STK33: variants seen among roughly 807,000 people sequenced by gnomAD.
STK33 encodes the protein serine/threonine-protein kinase 33.
In STK33, 52 loss-of-function variants were observed where a neutral mutation model predicts 58.0. That is an observed-to-expected ratio of 0.90 (90% CI 0.72 to 1.13). The LOEUF is 1.13. Among genes scored for constraint, STK33 ranks in the 50% most tolerant of loss-of-function variants. The pLI, the probability that STK33 is intolerant of heterozygous loss-of-function variation, is 0.00. For missense variants in STK33, 630 were observed against 604.2 expected, an observed-to-expected ratio of 1.04 and a Z score of -0.45; for synonymous variants, 215 against 200.1, an observed-to-expected ratio of 1.07 and a Z score of -0.63.
the STK33 span, among the ~76,000 whole-genome samples, chr11:8,380,560 C>CAA: frequency 5.1e-5 from 5 of 97,154 alleles, no homozygotes; most frequent in Admixed American, 1.1e-4. Flanking sequence ...AACTCCTTCT[C>CAA]AAAAAAAAAA....
the STK33 span, among the ~76,000 whole-genome samples, chr11:8,346,025 C>T: frequency 2.6e-5 from 4 of 152,224 alleles, no homozygotes; most frequent in African/African-American, 9.6e-5. Context: ...CTATCAGCCA[C>T]ATCCTGGCAG....
intron 1 of STK33, among the ~76,000 whole-genome samples, chr11:8,482,723 T>TATTG (rs1174035270): frequency 6.6e-6 from 1 of 151,814 alleles, no homozygotes; most frequent in Non-Finnish European, 1.5e-5. Flanking sequence ...TTTTATTTTT[T>TATTG]ATTTATTTAT....
At chr11:8,515,907 A>C (rs1952739084) in intron 1 of STK33, among the ~76,000 whole-genome samples, 1 of 152,188 alleles carries the variant, frequency 6.6e-6, no homozygotes, top group Non-Finnish European at 1.5e-5. Flanking sequence ...GTAAAACTGA[A>C]AGCTTTATAA....
chr11:8,471,263 T>A (rs555692343), intron 6 of STK33, among the ~76,000 whole-genome samples: 3 of 152,342 alleles, frequency 2.0e-5, no homozygotes, highest in South Asian at 4.1e-4. Context: ...TAAATAGGAA[T>A]TCTAAAATGA....
chr11:8,504,334 T>C (rs1291738490), intron 1 of STK33, among the ~76,000 whole-genome samples: 1 of 152,196 alleles, frequency 6.6e-6, no homozygotes. Context: ...CAGAGAGCCC[T>C]TTGACAACTA....
At chr11:8,452,730 G>A (rs1395641113) in intron 11 of STK33, 92 bp downstream of exon 11, 1 of 1,156,716 alleles carries the variant, frequency 8.6e-7, no homozygotes, top group African/African-American at 1.5e-5. Flanking sequence ...CAAGGCTGCA[G>A]TGAGCCAAGA....
At chr11:8,387,115 T>A (rs1848554572), downstream of STK33, among the ~76,000 whole-genome samples, 1 of 152,254 alleles carries the variant, frequency 6.6e-6, no homozygotes, top group Non-Finnish European at 1.5e-5. Context: ...CTTTCCCTGA[T>A]ATAGTGCTTG....
intron 12 of STK33, among the ~76,000 whole-genome samples, chr11:8,438,888 T>C (rs1302968276): frequency 6.6e-6 from 1 of 152,194 alleles, no homozygotes; most frequent in Non-Finnish European, 1.5e-5. Flanking sequence ...TCAAAAACTT[T>C]TTGAATACTT....
At chr11:8,386,916 T>G (rs1001622321), downstream of STK33, among the ~76,000 whole-genome samples, 10 of 152,180 alleles carry the variant, frequency 6.6e-5, no homozygotes, top group African/African-American at 2.4e-4. Flanking sequence ...ACTTTGCTCC[T>G]GGTAAGCATC....
At chr11:8,433,534 C>G (rs940061575) in intron 14 of STK33, among the ~76,000 whole-genome samples, 5 of 152,082 alleles carry the variant, frequency 3.3e-5, no homozygotes, top group Admixed American at 3.3e-4. Context: ...CTCATATATT[C>G]AATTATCTGT....
chr11:8,493,472 A>G (rs1236939701), intron 1 of STK33, among the ~76,000 whole-genome samples: 1 of 152,176 alleles, frequency 6.6e-6, no homozygotes, highest in East Asian at 1.9e-4. Flanking sequence ...ACCAACCAAA[A>G]AATGTCCAGG....
At chr11:8,569,602 A>G (rs1565387073) in intron 1 of STK33, among the ~76,000 whole-genome samples, 1 of 152,196 alleles carries the variant, frequency 6.6e-6, no homozygotes. Context: ...TAAGAGAAAA[A>G]CTGATAAATT....
intron 15 of STK33, among the ~76,000 whole-genome samples, chr11:8,398,786 A>G (rs1849837103): frequency 8.2e-6 from 1 of 121,590 alleles, no homozygotes; most frequent in South Asian, 3.2e-4. Context: ...GCAAATGGAA[A>G]ACAAAAAAAA....
At chr11:8,486,720 A>C (rs567911058) in intron 1 of STK33, among the ~76,000 whole-genome samples, 1 of 152,202 alleles carries the variant, frequency 6.6e-6, no homozygotes, top group Admixed American at 6.5e-5. Context: ...CAGTATAGAG[A>C]ATGTATAGAA....
chr11:8,339,961 T>C, the STK33 span, among the ~76,000 whole-genome samples: 3 of 152,216 alleles, frequency 2.0e-5, no homozygotes, highest in Non-Finnish European at 4.4e-5. Context: ...CTGGTGAGCT[T>C]GTGCAGAACC....
chr11:8,372,467 C>T, the STK33 span, among the ~76,000 whole-genome samples: 3 of 152,344 alleles, frequency 2.0e-5, no homozygotes, highest in Middle Eastern at 3.4e-3. Flanking sequence ...CCAACATGAA[C>T]ACCAGACACC....
chr11:8,399,838 C>A (rs1438077436), intron 15 of STK33, among the ~76,000 whole-genome samples: 2 of 152,218 alleles, frequency 1.3e-5, no homozygotes, highest in Non-Finnish European at 2.9e-5. Flanking sequence ...ATACTATAAA[C>A]ACCTCTATGC....
chr11:8,498,425 G>A (rs1047869172), intron 1 of STK33, among the ~76,000 whole-genome samples: 6 of 152,046 alleles, frequency 3.9e-5, no homozygotes, highest in East Asian at 1.9e-4. Context: ...AACCCTGCTC[G>A]AGGAAATAAG....
chr11:8,371,034 G>A, the STK33 span, among the ~76,000 whole-genome samples: 3 of 152,164 alleles, frequency 2.0e-5, no homozygotes, highest in South Asian at 4.1e-4. Flanking sequence ...CTGGAGGGCT[G>A]TTGGGGGCTG....
Sources: gnomAD v4.1 joint callset for allele counts (sites outside exome capture counted in the v4.1 genomes callset) on GRCh38, gnomAD v4.1.1 for gene constraint, MANE v1.5 for transcripts, NCBI Gene and HGNC (gene_info 2026-07-23, HGNC 2026-07-21) for gene names.